NELL2: variants seen among roughly 807,000 people sequenced by gnomAD.
NELL2 encodes the protein neural EGFL like 2.
NELL2 carries 41 observed loss-of-function variants against 109.6 expected under a neutral mutation model. The observed-to-expected ratio is 0.37, with a 90% CI of 0.29 to 0.49. The LOEUF (loss-of-function observed/expected upper bound fraction) is 0.49, where lower values mean the gene tolerates loss of function less well. NELL2 is among the 20% of genes least tolerant of loss of function. NELL2 has a pLI of 0.98. For missense variants in NELL2, 900 were observed against 1,008.3 expected, an observed-to-expected ratio of 0.89 and a Z score of 1.45; for synonymous variants, 355 against 344.7, an observed-to-expected ratio of 1.03 and a Z score of -0.33.
At chr12:44,644,001 C>T (rs1008426802) in intron 13 of NELL2, among the ~76,000 whole-genome samples, 1 of 152,016 alleles carries the variant, frequency 6.6e-6, no homozygotes, top group Non-Finnish European at 1.5e-5. Flanking sequence ...TTTGATAGGA[C>T]AAGACAAACT....
intron 13 of NELL2, among the ~76,000 whole-genome samples, chr12:44,649,857 G>A (rs1947240653): frequency 6.6e-6 from 1 of 152,174 alleles, no homozygotes; most frequent in Admixed American, 6.5e-5. Flanking sequence ...GTTGGCAGCT[G>A]CACAGGGCTC....
At chr12:44,578,921 C>G (rs962472697) in intron 15 of NELL2, among the ~76,000 whole-genome samples, 12 of 152,170 alleles carry the variant, frequency 7.9e-5, no homozygotes, top group African/African-American at 2.7e-4. Flanking sequence ...CTCTTAGGTT[C>G]AATCACAACT....
At chr12:44,620,561 T>C (rs1301820188) in intron 13 of NELL2, among the ~76,000 whole-genome samples, 3 of 151,992 alleles carry the variant, frequency 2.0e-5, no homozygotes, top group Non-Finnish European at 4.4e-5. Context: ...AACATTCAGG[T>C]CATCAGGAGA....
intron 9 of NELL2, among the ~76,000 whole-genome samples, chr12:44,741,127 G>A (rs1049842066): frequency 3.3e-5 from 5 of 152,002 alleles, no homozygotes; most frequent in African/African-American, 9.7e-5. Flanking sequence ...CCTCCTCAAC[G>A]TACTCAATGT....
chr12:44,662,051 AAAT>A (rs1252031170), intron 13 of NELL2, among the ~76,000 whole-genome samples: 1 of 152,238 alleles, frequency 6.6e-6, no homozygotes, highest in African/African-American at 2.4e-5. Flanking sequence ...TAATTAGAAA[AAAT>A]AATAACACCT....
chr12:44,513,952 CAAAA>C (rs150651038), intron 19 of NELL2, among the ~76,000 whole-genome samples: 1 of 122,944 alleles, frequency 8.1e-6, no homozygotes. Context: ...AAATAAAGAC[CAAAA>C]AAAAAAAAAA....
chr12:44,639,612 CA>C (rs1209160983), intron 13 of NELL2, among the ~76,000 whole-genome samples: 2 of 152,170 alleles, frequency 1.3e-5, no homozygotes, highest in Admixed American at 6.6e-5. Context: ...AGATAAATCA[CA>C]AGTCCACTTT....
chr12:44,578,414 A>G (rs1944192348), intron 15 of NELL2, among the ~76,000 whole-genome samples: 2 of 122,660 alleles, frequency 1.6e-5, no homozygotes. Flanking sequence ...ATTGAAAGTA[A>G]AGTAATTGAT....
At chr12:44,730,679 T>C (rs190750237) in intron 9 of NELL2, among the ~76,000 whole-genome samples, 1 of 151,546 alleles carries the variant, frequency 6.6e-6, no homozygotes, top group East Asian at 1.9e-4. Flanking sequence ...CATTTAAAAA[T>C]AGAAAGATCT....
intron 11 of NELL2, among the ~76,000 whole-genome samples, chr12:44,706,109 A>C (rs573777836): frequency 1.3e-5 from 2 of 152,324 alleles, no homozygotes; most frequent in East Asian, 3.9e-4. Context: ...TCTCACTGTA[A>C]GATAACAGTG....
chr12:44,712,284 A>T (rs939335003), intron 10 of NELL2, among the ~76,000 whole-genome samples: 3 of 152,038 alleles, frequency 2.0e-5, no homozygotes, highest in African/African-American at 7.2e-5. Flanking sequence ...AGAAGTGCAC[A>T]TTTCAATATC....
rs561423075 is a variant in NELL2, at chr12:44,659,549, G to A, written c.1444+5935C>T. Among the ~76,000 whole-genome samples, 21 of 152,218 alleles carry A rather than the reference G, an allele frequency of 1.4e-4. No individual in the cohort carries two copies. In the South Asian group the frequency reaches 4.1e-3, roughly 30 times the overall value. ...AAAAAGTGGGCAAAGGATATGAACA[G>A]ACACTTCTCAACAGAAGACATTCAT... On this transcript the variant is annotated intron_variant, in intron 13 of 19. Transcript: ENST00000429094.
At chr12:44,804,697 A>G (rs1942942650) in intron 3 of NELL2, among the ~76,000 whole-genome samples, 1 of 151,956 alleles carries the variant, frequency 6.6e-6, no homozygotes, top group African/African-American at 2.4e-5. Context: ...AAAGAGATGT[A>G]TTGTAATGCC....
intron 15 of NELL2, among the ~76,000 whole-genome samples, chr12:44,573,411 A>G (rs1943945985): frequency 1.3e-5 from 2 of 152,210 alleles, no homozygotes. Context: ...GCCTAGGAGA[A>G]AGTGTAACTC....
At chr12:44,848,503 A>T (rs147275105) in intron 2 of NELL2, among the ~76,000 whole-genome samples, 1,705 of 152,220 alleles carry the variant, frequency 0.011, 20 homozygotes, top group Non-Finnish European at 0.017. Flanking sequence ...CAACCCCCAG[A>T]GCAACACACA....
At chr12:44,574,308 A>C (rs1372903537) in intron 15 of NELL2, among the ~76,000 whole-genome samples, 1 of 152,114 alleles carries the variant, frequency 6.6e-6, no homozygotes, top group Non-Finnish European at 1.5e-5. Context: ...CATCTGAAAA[A>C]TCTGTACAAA....
chr12:44,627,888 T>C (rs1461170088), intron 13 of NELL2, among the ~76,000 whole-genome samples: 1 of 152,208 alleles, frequency 6.6e-6, no homozygotes, highest in Non-Finnish European at 1.5e-5. Flanking sequence ...ATTTTGCAAA[T>C]AAGTGGTTCC....
intron 3 of NELL2, among the ~76,000 whole-genome samples, chr12:44,802,937 C>A (rs1942883077): frequency 6.6e-6 from 1 of 151,906 alleles, no homozygotes; most frequent in Non-Finnish European, 1.5e-5. Flanking sequence ...ATTCGAATTT[C>A]TCCCTGATAA....
chr12:44,777,327 A>AATAGAAAAAAAAGAC lies in NELL2; in HGVS notation c.607-28_607-14dup. 3.7e-6 allele frequency: 6 copies of AATAGAAAAAAAAGAC among 1,609,072 alleles called. No homozygotes were observed. Among genetic ancestry groups the AATAGAAAAAAAAGAC allele is most frequent in the Non-Finnish European group, 3.4e-6 (4 of 1,175,514 alleles). ...CTTGCATTATACCCTGTGTGTGAAA[A>AATAGAAAAAAAAGAC]ATAGAAAAAAAAGACATATTACTTT... On this transcript the variant is annotated splice_polypyrimidine_tract_variant and intron_variant, in intron 5 of 19. Transcript: ENST00000429094.
Sources: gnomAD v4.1 joint callset for allele counts (sites outside exome capture counted in the v4.1 genomes callset) on GRCh38, gnomAD v4.1.1 for gene constraint, MANE v1.5 for transcripts, NCBI Gene and HGNC (gene_info 2026-07-23, HGNC 2026-07-21) for gene names.